SH3PXD2A: variants seen among roughly 807,000 people sequenced by gnomAD.
SH3PXD2A encodes SH3 and PX domain-containing protein 2A.
A neutral mutation model predicts 115.2 loss-of-function variants in SH3PXD2A; 32 were observed. That is an observed-to-expected ratio of 0.28 (90% CI 0.21 to 0.37). The LOEUF (loss-of-function observed/expected upper bound fraction) is 0.37. Ranked by LOEUF, SH3PXD2A falls within the 10% of genes least tolerant of loss-of-function variation. The pLI, the probability that SH3PXD2A is intolerant of heterozygous loss-of-function variation, is 1.00. For synonymous variants in SH3PXD2A, 610 were observed against 629.1 expected, an observed-to-expected ratio of 0.97 and a Z score of 0.45; for missense variants, 1,328 against 1,498.7, an observed-to-expected ratio of 0.89 and a Z score of 1.88.
intron 1 of SH3PXD2A, among the ~76,000 whole-genome samples, chr10:103,813,704 T>A (rs1411391831): frequency 6.6e-6 from 1 of 152,180 alleles, no homozygotes; most frequent in Admixed American, 6.5e-5. Flanking sequence ...TCTTAGCCAG[T>A]CCTCTGGCTC....
chr10:103,601,510 T>C lies in SH3PXD2A; in HGVS notation c.*306A>G, dbSNP rs973950681. 2 of 245,232 alleles carry C rather than the reference T, an allele frequency of 8.2e-6. No homozygotes were observed. Among genetic ancestry groups the C allele is most frequent in the East Asian group, 9.5e-5 (1 of 10,524 alleles). 15.2% of individuals were successfully genotyped at this position (245,232 alleles called of 1,614,324 possible). Reference sequence around the variant, plus strand: ...CCCACATGGCCTGTCCCAGATGGCATGTAATCCATTGGTGAAGTCCCTATG... The same window carrying C: ...CCCACATGGCCTGTCCCAGATGGCACGTAATCCATTGGTGAAGTCCCTATG... On this transcript the variant is annotated 3_prime_UTR_variant, in exon 15 of 15. Coordinates refer to ENST00000369774, the MANE Select transcript of SH3PXD2A (RefSeq NM_001394015.1).
At chr10:103,842,419 T>A (rs1242424936) in intron 1 of SH3PXD2A, among the ~76,000 whole-genome samples, 3 of 152,366 alleles carry the variant, frequency 2.0e-5, no homozygotes, top group Non-Finnish European at 4.4e-5. Flanking sequence ...TTCCAGTTCT[T>A]CTAGTTACTG....
Position 103,735,762 on chromosome 10 carries a change from C to T in SH3PXD2A, c.276G>A (p.Lys92=). The T allele has an allele frequency of 6.2e-7, 1 of 1,612,594 alleles. No individual in the cohort carries two copies. The highest frequency in any genetic ancestry group is 8.5e-7 in the Non-Finnish European group (1 of 1,179,084). Residue 92 remains lysine, a synonymous_variant, in exon 4 of 15, where the codon AAG becomes AAA. Transcript: ENST00000369774. The part of the protein sequence containing the change: ...RRSHIRDVAV[K]RLKPIDEYCR... ...AGTATTCATCGATGGGCTTCAGTCT[C>T]TTCACAGCTACGTCCCGGATGTGGC...
intron 2 of SH3PXD2A, among the ~76,000 whole-genome samples, chr10:103,796,483 T>C: frequency 6.6e-6 from 1 of 152,226 alleles, no homozygotes; most frequent in Non-Finnish European, 1.5e-5. Flanking sequence ...CATAGCATGT[T>C]GCTTGTACCT....
At chr10:103,694,431 A>G (rs909249970) in intron 5 of SH3PXD2A, among the ~76,000 whole-genome samples, 1 of 151,948 alleles carries the variant, frequency 6.6e-6, no homozygotes, top group African/African-American at 2.4e-5. Flanking sequence ...GTGTTTATTA[A>G]TCTCCAAGGT....
At chr10:103,729,836 C>G (rs1457083851) in intron 4 of SH3PXD2A, among the ~76,000 whole-genome samples, 2 of 152,224 alleles carry the variant, frequency 1.3e-5, no homozygotes, top group African/African-American at 4.8e-5. Flanking sequence ...CAGTCCTAAA[C>G]TGTCCTGCAG....
Position 103,612,864 on chromosome 10 carries a change from C to A in SH3PXD2A, c.1247G>T (p.Arg416Leu), listed in dbSNP as rs758662098. The change falls in exon 12 of 15, where the codon CGG becomes CTG. Residue 416 changes from arginine to leucine, a missense_variant. Around this residue, in one of 5 missense-constraint regions of SH3PXD2A, gnomAD observed 509 missense variants for 628.3 expected, o/e 0.81. Coordinates refer to ENST00000369774, the MANE Select transcript of SH3PXD2A (RefSeq NM_001394015.1). The stretch of plus-strand genomic sequence containing the variant: ...AGCGAGGCTCTTACTGATCTGGGCC[C>A]GCTGAGGGGCAATCCTGGCCACAGC... The part of the protein sequence containing the change: ...SPAVARIAPQ[R>L]AQISSPNLRT... 6.4e-7 allele frequency: 1 copy of A among 1,562,646 alleles called. No homozygotes were observed. The highest frequency in any genetic ancestry group is 1.4e-5 in the African/African-American group (1 of 73,026).
chr10:103,769,533 C>T (rs1461463824), intron 2 of SH3PXD2A, among the ~76,000 whole-genome samples: 1 of 150,958 alleles, frequency 6.6e-6, no homozygotes, highest in Admixed American at 6.6e-5. Flanking sequence ...ACTGCAACCT[C>T]CGCCTCCCAG....
chr10:103,717,183 T>G (rs1476158988), intron 5 of SH3PXD2A, among the ~76,000 whole-genome samples: 1 of 151,440 alleles, frequency 6.6e-6, no homozygotes. Context: ...CCGGAGAGGT[T>G]GAGAATCCTC....
At chr10:103,806,111 G>A (rs143915717) in intron 1 of SH3PXD2A, among the ~76,000 whole-genome samples, 1,747 of 152,242 alleles carry the variant, frequency 0.011, 20 homozygotes, top group Admixed American at 0.017. Context: ...TCTATGCCCT[G>A]AGCAGCCATG....
Position 103,620,525 on chromosome 10 carries a change from C to T in SH3PXD2A, c.802+1945G>A, listed in dbSNP as rs941927123. Among the ~76,000 whole-genome samples the T allele has an allele frequency of 1.1e-4, 17 of 152,142 alleles. No individual in the cohort carries two copies. Among genetic ancestry groups the T allele is most frequent in the Non-Finnish European group, 5.9e-5 (4 of 68,014 alleles). ...CCTGGCTGGCTGAGGGAACGGGGAGCGGAGGCCGTGGGGAAGCTCCGCTTT... is the reference window on the plus strand; with the variant it reads ...CCTGGCTGGCTGAGGGAACGGGGAGTGGAGGCCGTGGGGAAGCTCCGCTTT... On this transcript the variant is annotated intron_variant, in intron 10 of 14. Transcript: ENST00000369774. The surrounding 1 kb of genome is among the most constrained non-coding windows in gnomAD (Gnocchi z 5.3).
intron 1 of SH3PXD2A, among the ~76,000 whole-genome samples, chr10:103,828,045 C>A (rs546441957): frequency 6.6e-6 from 1 of 152,344 alleles, no homozygotes; most frequent in South Asian, 2.1e-4. Flanking sequence ...ATCATCCCTG[C>A]AGGGCCTGGC....
intron 5 of SH3PXD2A, among the ~76,000 whole-genome samples, chr10:103,714,579 T>C (rs1016349603): frequency 6.6e-6 from 1 of 152,200 alleles, no homozygotes; most frequent in Non-Finnish European, 1.5e-5. Context: ...TTCAAGTGGG[T>C]TGGACACAGC....
intron 1 of SH3PXD2A, among the ~76,000 whole-genome samples, chr10:103,842,201 C>T (rs1192771008): frequency 7.8e-5 from 4 of 51,270 alleles, no homozygotes; most frequent in African/African-American, 1.7e-4. Flanking sequence ...CTTTAGTTTT[C>T]CCTACGCCAT....
intron 8 of SH3PXD2A, among the ~76,000 whole-genome samples, chr10:103,630,705 T>C (rs2036765615): frequency 6.9e-6 from 1 of 145,256 alleles, no homozygotes; most frequent in Non-Finnish European, 1.5e-5. Flanking sequence ...TGAGGCCAGT[T>C]CAGCCTGGAC....
intron 3 of SH3PXD2A, chr10:103,754,576 A>G (rs1397479097): frequency 6.6e-6 from 1 of 151,618 alleles, no homozygotes; most frequent in African/African-American, 2.4e-5. Context: ...TCCTTGGCCC[A>G]AAACTTCACC....
Position 103,762,020 on chromosome 10 carries a change from T to C in SH3PXD2A, c.229+5074A>G, listed in dbSNP as rs1461687446. Among the ~76,000 whole-genome samples, 63 of 69,456 alleles carry C rather than the reference T, an allele frequency of 9.1e-4. 2 individuals carry two copies. The highest frequency in any genetic ancestry group is 3.2e-5 in the Non-Finnish European group (1 of 31,568). The allele number at this position is 69,456 out of a possible 152,430, so 45.6% of individuals were successfully genotyped here. A position where few individuals can be genotyped will look rare whatever the true frequency, so the allele number is the denominator to read the frequency against. ...CTAGGAGCAATCAACACGTCTTTTT[T>C]TTTTTTTTTTTTTTTTTTTTGATAC... On this transcript the variant is annotated intron_variant, in intron 3 of 14. Transcript: ENST00000369774.
chr10:103,744,885 G>A (rs781300573), intron 3 of SH3PXD2A, among the ~76,000 whole-genome samples: 1 of 152,208 alleles, frequency 6.6e-6, no homozygotes, highest in Non-Finnish European at 1.5e-5. Flanking sequence ...GACATTGGTA[G>A]GTTTTGTCTG....
chr10:103,713,155 G>C (rs901005411), intron 5 of SH3PXD2A, among the ~76,000 whole-genome samples: 3 of 152,124 alleles, frequency 2.0e-5, no homozygotes, highest in Non-Finnish European at 4.4e-5. Context: ...AGTTACAGAC[G>C]TGCCCAAACT....
Sources: allele counts gnomAD v4.1 joint callset (sites outside exome capture counted in the v4.1 genomes callset), GRCh38; gene constraint gnomAD v4.1.1; regional missense constraint gnomAD v4.1.1; non-coding constraint Gnocchi (gnomAD v3.1); transcripts MANE v1.5; gene names NCBI Gene and HGNC (gene_info 2026-07-23, HGNC 2026-07-21).